BLNK: variants seen among roughly 807,000 people sequenced by gnomAD.
The protein encoded by BLNK is B cell linker.
A neutral mutation model predicts 73.5 loss-of-function variants in BLNK; 29 were observed. The ratio of observed to expected loss-of-function variants is 0.39; its 90% CI spans 0.29 to 0.54. BLNK has a LOEUF of 0.54. Ranked by LOEUF, BLNK falls within the 20% of genes least tolerant of loss-of-function variation. The probability of loss-of-function intolerance (pLI) is 0.61; values close to 1 mark genes in which losing one functional copy is unlikely to be tolerated. For synonymous variants in BLNK, 176 were observed against 200.8 expected, an observed-to-expected ratio of 0.88 and a Z score of 1.04; for missense variants, 460 against 562.8, an observed-to-expected ratio of 0.82 and a Z score of 1.85.
chr10:96,242,198 CTGA>C (rs2134078820), intron 3 of BLNK, among the ~76,000 whole-genome samples: 1 of 152,304 alleles, frequency 6.6e-6, no homozygotes, highest in Admixed American at 6.5e-5. Context: ...CTCACAAAAT[CTGA>C]TGATTTTATC....
rs2083344599 is a variant in BLNK, at chr10:96,192,223, A to G, written c.1252-131T>C. 7 of 1,299,582 alleles carry G rather than the reference A, an allele frequency of 5.4e-6. No individual in the cohort carries two copies. The Admixed American group carries it at 7.9e-5, about 15-fold the overall frequency. 80.5% of individuals were successfully genotyped at this position (1,299,582 alleles called of 1,614,324 possible). A position where few individuals can be genotyped will look rare whatever the true frequency, so the allele number is the denominator to read the frequency against. ...CCCAGCTGACATTCTGCACAAAAAA[A>G]TCTAGTTTAACAAAGGCTGTAACCT... On this transcript the variant is annotated intron_variant, in intron 16 of 16. Transcript: ENST00000224337.
intron 1 of BLNK, among the ~76,000 whole-genome samples, chr10:96,251,795 C>CAGT (rs1466474883): frequency 6.6e-6 from 1 of 152,098 alleles, no homozygotes; most frequent in East Asian, 1.9e-4. Context: ...AATTAAGACA[C>CAGT]GTAACTTAGT....
At chr10:96,237,387 C>T (rs1277471225) in intron 3 of BLNK, among the ~76,000 whole-genome samples, 1 of 152,120 alleles carries the variant, frequency 6.6e-6, no homozygotes, top group African/African-American at 2.4e-5. Flanking sequence ...GCCACCCCTC[C>T]ACCCTATATT....
intron 12 of BLNK, 59 bp from the exon 13 acceptor site, chr10:96,204,147 T>C: frequency 6.4e-7 from 1 of 1,572,180 alleles, no homozygotes; most frequent in Non-Finnish European, 8.8e-7. Flanking sequence ...AAGTTTGACT[T>C]TTTGTTTACA....
At chr10:96,228,730 GT>G (rs1842377726) in intron 4 of BLNK, among the ~76,000 whole-genome samples, 1 of 152,202 alleles carries the variant, frequency 6.6e-6, no homozygotes. Flanking sequence ...TTCAGAGGTA[GT>G]TTATGTATAT....
chr10:96,271,243 A>G, intron 1 of BLNK, 109 bp downstream of exon 1: 1 of 1,289,188 alleles, frequency 7.8e-7, no homozygotes, highest in Non-Finnish European at 1.1e-6. Context: ...AGTGCCACCC[A>G]CTGGAAACTA....
intron 10 of BLNK, among the ~76,000 whole-genome samples, chr10:96,207,431 G>T (rs1195902192): frequency 6.6e-6 from 1 of 152,206 alleles, no homozygotes; most frequent in Non-Finnish European, 1.5e-5. Context: ...TAAATGTCAG[G>T]CTTCACAGTA....
At chr10:96,247,789 G>A (rs9794109) in intron 1 of BLNK, among the ~76,000 whole-genome samples, 30,284 of 152,070 alleles carry the variant, frequency 0.2, 3,940 homozygotes, top group Non-Finnish European at 0.3. Flanking sequence ...TAACTTCAGC[G>A]TCTGATTGAT....
At chr10:96,265,671 T>G (rs140601141) in intron 1 of BLNK, among the ~76,000 whole-genome samples, 19 of 152,340 alleles carry the variant, frequency 1.2e-4, no homozygotes, top group African/African-American at 4.6e-4. Context: ...ACCACAACAA[T>G]GGCAAAGATA....
intron 6 of BLNK, among the ~76,000 whole-genome samples, chr10:96,222,210 A>C (rs2084213253): frequency 6.6e-6 from 1 of 152,194 alleles, no homozygotes; most frequent in African/African-American, 2.4e-5. Flanking sequence ...CAAATCATAC[A>C]CCTAGAAGGG....
At chr10:96,205,933 T>A (rs1296140080) in intron 11 of BLNK, among the ~76,000 whole-genome samples, 2 of 152,222 alleles carry the variant, frequency 1.3e-5, no homozygotes, top group East Asian at 3.9e-4. Context: ...GAAGTCACTA[T>A]CACTCCACAA....
At chr10:96,196,785 A>G (rs2083477188) in intron 16 of BLNK, 123 bp downstream of exon 16, 3 of 944,352 alleles carry the variant, frequency 3.2e-6, no homozygotes, top group Non-Finnish European at 4.9e-6. Context: ...TATGACATTT[A>G]TGCAAGCATT....
intron 1 of BLNK, among the ~76,000 whole-genome samples, chr10:96,250,306 C>T (rs1843226592): frequency 6.6e-6 from 1 of 151,824 alleles, no homozygotes; most frequent in South Asian, 2.1e-4. Flanking sequence ...ACCCTTTTCT[C>T]CTTTTCCTGA....
At chr10:96,193,860 T>C (rs1258979282) in intron 16 of BLNK, among the ~76,000 whole-genome samples, 1 of 152,244 alleles carries the variant, frequency 6.6e-6, no homozygotes, top group Admixed American at 6.5e-5. Flanking sequence ...AAACTCCACA[T>C]GATTGACATC....
At chr10:96,263,388 C>T (rs782127742) in intron 1 of BLNK, among the ~76,000 whole-genome samples, 1 of 152,198 alleles carries the variant, frequency 6.6e-6, no homozygotes, top group South Asian at 2.1e-4. Context: ...GTAATGAGAG[C>T]CTTCCTTAGG....
At chr10:96,230,938 T>C in intron 3 of BLNK, 104 bp from the exon 4 acceptor site, 1 of 1,200,226 alleles carries the variant, frequency 8.3e-7, no homozygotes, top group South Asian at 1.3e-5. Context: ...CCCTTTGGGC[T>C]TTCTGGTGCC....
chr10:96,258,621 C>T (rs1843620045), intron 1 of BLNK, among the ~76,000 whole-genome samples: 2 of 152,088 alleles, frequency 1.3e-5, no homozygotes, highest in South Asian at 4.2e-4. Flanking sequence ...ACCTCCATGG[C>T]CAGAGGTAAC....
intron 7 of BLNK, 125 bp from the exon 8 acceptor site, chr10:96,215,514 A>C (rs1481634149): frequency 1.3e-6 from 1 of 795,124 alleles, no homozygotes; most frequent in Non-Finnish European, 2.0e-6. Flanking sequence ...ATTTGCAAAG[A>C]ATGGGAGACA....
chr10:96,271,211 C>T (rs782279938), intron 1 of BLNK, 141 bp downstream of exon 1: 39 of 904,540 alleles, frequency 4.3e-5, no homozygotes, highest in Non-Finnish European at 6.5e-5. Context: ...TCCCTAAAAG[C>T]TCAGTCCACT....
Sources: allele counts gnomAD v4.1 joint callset (sites outside exome capture counted in the v4.1 genomes callset), GRCh38; gene constraint gnomAD v4.1.1; transcripts MANE v1.5; gene names NCBI Gene and HGNC (gene_info 2026-07-23, HGNC 2026-07-21).